RAPGEF2: variants seen among roughly 807,000 people sequenced by gnomAD.
RAPGEF2 encodes Rap guanine nucleotide exchange factor 2.
In RAPGEF2, 54 loss-of-function variants were observed where a neutral mutation model predicts 186.7. The observed-to-expected ratio is 0.29, with a 90% CI of 0.23 to 0.36. The LOEUF (loss-of-function observed/expected upper bound fraction) is 0.36, where lower values mean the gene tolerates loss of function less well. Ranked by LOEUF, RAPGEF2 falls within the 10% of genes least tolerant of loss-of-function variation. The pLI, the probability that RAPGEF2 is intolerant of heterozygous loss-of-function variation, is 1.00. For synonymous variants in RAPGEF2, 712 were observed against 705.9 expected (o/e 1.01, Z -0.14); for missense variants, 1,532 against 2,045.0 (o/e 0.75, Z 4.84).
At chr4:159,308,634 A>T (rs1763589701) in intron 8 of RAPGEF2, among the ~76,000 whole-genome samples, 1 of 152,230 alleles carries the variant, frequency 6.6e-6, no homozygotes. Flanking sequence ...CAAGATGGAC[A>T]CAGAGAGATT....
At chr4:159,347,513 G>A (rs1456008606) in intron 25 of RAPGEF2, among the ~76,000 whole-genome samples, 5 of 152,348 alleles carry the variant, frequency 3.3e-5, no homozygotes, top group Admixed American at 6.5e-5. Context: ...AGCCAGGCAC[G>A]GTGGCTCACG....
intron 1 of RAPGEF2, among the ~76,000 whole-genome samples, chr4:159,124,053 G>A (rs1398617830): frequency 3.3e-5 from 5 of 150,580 alleles, no homozygotes; most frequent in South Asian, 2.1e-4. Context: ...ATGGCGTTTC[G>A]CCATGTTGGC....
At chr4:159,315,882 G>C (rs1017474992) in intron 9 of RAPGEF2, among the ~76,000 whole-genome samples, 1 of 152,184 alleles carries the variant, frequency 6.6e-6, no homozygotes, top group African/African-American at 2.4e-5. Context: ...TGAAGCACAG[G>C]ATCACAGGGA....
chr4:159,120,165 G>A (rs1444532616), intron 1 of RAPGEF2, among the ~76,000 whole-genome samples: 1 of 152,098 alleles, frequency 6.6e-6, no homozygotes, highest in Admixed American at 6.6e-5. Flanking sequence ...GATTACAGGT[G>A]TATGCCACCA....
intron 1 of RAPGEF2, among the ~76,000 whole-genome samples, chr4:159,112,941 C>T (rs1427768761): frequency 6.6e-6 from 1 of 152,132 alleles, no homozygotes; most frequent in Non-Finnish European, 1.5e-5. Context: ...AGTAATAAGA[C>T]ATGTCAACAT....
intron 8 of RAPGEF2, among the ~76,000 whole-genome samples, chr4:159,307,096 CA>C (rs1763393208): frequency 6.6e-6 from 1 of 152,048 alleles, no homozygotes; most frequent in African/African-American, 2.4e-5. Flanking sequence ...TGGTTTCAAG[CA>C]AAATAACATT....
chr4:159,343,827 A>C (rs1274035849), intron 22 of RAPGEF2, among the ~76,000 whole-genome samples: 4 of 152,228 alleles, frequency 2.6e-5, no homozygotes, highest in Non-Finnish European at 4.4e-5. Context: ...GTCAGTCTTA[A>C]TTCTAGAACA....
intron 1 of RAPGEF2, among the ~76,000 whole-genome samples, chr4:159,182,318 A>G (rs1001939047): frequency 5.9e-5 from 9 of 151,552 alleles, no homozygotes; most frequent in African/African-American, 2.2e-4. Context: ...ATACCATAAC[A>G]TTGTTTTAAG....
intron 8 of RAPGEF2, among the ~76,000 whole-genome samples, chr4:159,314,043 T>C (rs1005981362): frequency 1.3e-5 from 2 of 152,234 alleles, no homozygotes; most frequent in African/African-American, 4.8e-5. Flanking sequence ...TGGTCTCCTA[T>C]AGTGTTTCTC....
intron 4 of RAPGEF2, among the ~76,000 whole-genome samples, chr4:159,237,594 T>G (rs1276962489): frequency 1.3e-5 from 2 of 152,088 alleles, no homozygotes; most frequent in African/African-American, 4.8e-5. Context: ...AACAAGAATT[T>G]CCATAGGAGT....
rs1579424942 is a variant in RAPGEF2, at chr4:159,193,333, G to T, written c.197+77G>T. ...TTCTTAAAGTATCAAAGGAGTATTA[G>T]TAACAGCTGGCTAAGTCAGCACTAA... is the stretch of plus-strand genomic sequence containing the variant. On this transcript the variant is annotated intron_variant, in intron 3 of 29. Transcript: ENST00000691494. 3.7e-6 allele frequency: 3 copies of T among 802,796 alleles called. No individual in the cohort carries two copies. The African/African-American group carries it at 5.3e-5, about 14-fold the overall frequency. 49.7% of individuals were successfully genotyped at this position (802,796 alleles called of 1,614,324 possible). A position where few individuals can be genotyped will look rare whatever the true frequency, so the allele number is the denominator to read the frequency against.
intron 7 of RAPGEF2, among the ~76,000 whole-genome samples, chr4:159,270,171 G>C (rs1757946171): frequency 6.6e-6 from 1 of 152,248 alleles, no homozygotes; most frequent in Non-Finnish European, 1.5e-5. Flanking sequence ...ACATGCAGCA[G>C]AGTTGGCAGC....
At chr4:159,329,103 G>A (rs1766324035) in intron 11 of RAPGEF2, 1 of 151,900 alleles carries the variant, frequency 6.6e-6, no homozygotes, top group South Asian at 2.1e-4. Flanking sequence ...CTGACCTCTA[G>A]TTAATTTCTA....
chr4:159,291,048 A>G (rs1201406746), intron 7 of RAPGEF2, among the ~76,000 whole-genome samples: 1 of 152,254 alleles, frequency 6.6e-6, no homozygotes, highest in Non-Finnish European at 1.5e-5. Flanking sequence ...ATAGACACAT[A>G]ACATGAATAC....
chr4:159,109,326 T>C (rs538963692), intron 1 of RAPGEF2, among the ~76,000 whole-genome samples: 1 of 152,296 alleles, frequency 6.6e-6, no homozygotes, highest in East Asian at 1.9e-4. Flanking sequence ...GCCCCGTTTC[T>C]ATTTAAAAGA....
At chr4:159,278,349 A>AT (rs778294200) in intron 7 of RAPGEF2, among the ~76,000 whole-genome samples, 2 of 152,184 alleles carry the variant, frequency 1.3e-5, no homozygotes, top group Non-Finnish European at 2.9e-5. Context: ...GGGGTTGAAG[A>AT]TGACCTGCTC....
intron 7 of RAPGEF2, among the ~76,000 whole-genome samples, chr4:159,286,030 AACCACCACCACC>A (rs35426817): frequency 0.011 from 1,004 of 89,284 alleles, 32 homozygotes; most frequent in African/African-American, 0.031. Context: ...TGTTCCCCCC[AACCACCACCACC>A]ACCACCACCA....
intron 7 of RAPGEF2, among the ~76,000 whole-genome samples, chr4:159,291,418 C>T (rs745400505): frequency 9.9e-5 from 15 of 152,152 alleles, no homozygotes; most frequent in Non-Finnish European, 1.6e-4. Context: ...ACCTCAGCCT[C>T]CTTAGTAGCT....
intron 26 of RAPGEF2, among the ~76,000 whole-genome samples, 174 bp downstream of exon 26, chr4:159,350,463 G>C (rs1457091264): frequency 6.6e-6 from 1 of 151,886 alleles, no homozygotes; most frequent in African/African-American, 2.4e-5. Flanking sequence ...AAGAATGGTG[G>C]TTTTAAAAAA....
Sources: allele counts gnomAD v4.1 joint callset (sites outside exome capture counted in the v4.1 genomes callset), GRCh38; gene constraint gnomAD v4.1.1; transcripts MANE v1.5; gene names NCBI Gene and HGNC (gene_info 2026-07-23, HGNC 2026-07-21).